DNMT3A: variants seen among roughly 807,000 people sequenced by gnomAD.
DNMT3A encodes the protein DNA methyltransferase 3 alpha.
A neutral mutation model predicts 117.6 loss-of-function variants in DNMT3A; 267 were observed. That is an observed-to-expected ratio of 2.27 (90% CI 2.05 to 2.51). The LOEUF (loss-of-function observed/expected upper bound fraction) is 2.51. DNMT3A is among the 30% of genes most tolerant of loss of function. DNMT3A has a pLI of 0.00. For missense variants in DNMT3A, 1,029 were observed against 1,260.2 expected (o/e 0.82, Z 2.78); for synonymous variants, 432 against 474.8 (o/e 0.91, Z 1.17).
At position 25,286,294 on chromosome 2, in the gene DNMT3A, C is replaced by T. The variant is rs912047314; in HGVS notation, c.178-3583G>A. On this transcript the variant is annotated intron_variant, in intron 3 of 22. Transcript: ENST00000321117. The surrounding 1 kb of genome is among the most constrained non-coding windows in gnomAD (Gnocchi z 4.3). ...GTAAGCCCTGCCCTGGCCTTGCCCG[C>T]GGACCCCAGTCTGCAACAGCACCAG... Among the ~76,000 whole-genome samples the T allele has an allele frequency of 6.6e-6, 1 of 152,228 alleles. No homozygotes were observed. The highest frequency in any genetic ancestry group is 1.5e-5 in the Non-Finnish European group (1 of 68,034).
chr2:25,336,993 G>A (rs749342748), intron 1 of DNMT3A, among the ~76,000 whole-genome samples: 3 of 152,146 alleles, frequency 2.0e-5, no homozygotes, highest in East Asian at 1.9e-4. Flanking sequence ...TTAGCTGGGC[G>A]CATCCTAAAC....
At position 25,282,257 on chromosome 2, in the gene DNMT3A, G is replaced by A; in HGVS notation, c.448+184C>T. The A allele has an allele frequency of 1.4e-6, 2 of 1,381,246 alleles. No individual in the cohort carries two copies. Among genetic ancestry groups the A allele is most frequent in the Non-Finnish European group, 1.9e-6 (2 of 1,068,178 alleles). 85.6% of individuals were successfully genotyped at this position (1,381,246 alleles called of 1,614,324 possible). A position where few individuals can be genotyped will look rare whatever the true frequency, so the allele number is the denominator to read the frequency against. On this transcript the variant is annotated intron_variant, in intron 4 of 22. Transcript: ENST00000321117. The surrounding 1 kb of genome is among the most constrained non-coding windows in gnomAD (Gnocchi z 5.2). ...TTTTTAAATGTTTAAAACACTCTAT[G>A]GGCCAAATAAAACATATGCGCAGGC...
At chr2:25,268,573 G>A (rs1433864010) in intron 6 of DNMT3A, among the ~76,000 whole-genome samples, 1 of 152,132 alleles carries the variant, frequency 6.6e-6, no homozygotes, top group Non-Finnish European at 1.5e-5. Flanking sequence ...AGGAGCTAAG[G>A]GAGTGCCTTC....
intron 6 of DNMT3A, among the ~76,000 whole-genome samples, chr2:25,271,103 G>A (rs573736580): frequency 1.9e-4 from 29 of 152,010 alleles, no homozygotes; most frequent in Non-Finnish European, 3.7e-4. Context: ...CCAGCACTTC[G>A]GGAGGCCAAG....
chr2:25,321,797 G>A (rs2034608105), intron 1 of DNMT3A, among the ~76,000 whole-genome samples: 1 of 152,174 alleles, frequency 6.6e-6, no homozygotes, highest in Non-Finnish European at 1.5e-5. Context: ...GATGTGGGAG[G>A]ATCGCTCGAG....
chr2:25,262,003 G>A (rs2149345089), intron 6 of DNMT3A, among the ~76,000 whole-genome samples: 2 of 152,082 alleles, frequency 1.3e-5, no homozygotes, highest in South Asian at 4.2e-4. Flanking sequence ...TGGCCAACAT[G>A]GTGAAACCCC....
At chr2:25,297,517 T>TG (rs1345312067) in intron 3 of DNMT3A, among the ~76,000 whole-genome samples, 260 of 149,746 alleles carry the variant, frequency 1.7e-3, no homozygotes, top group African/African-American at 6.0e-3. Context: ...GTTTTTTTTT[T>TG]TTTTTTTTTT....
In DNMT3A at chr2:25,252,105, T is replaced by C; in HGVS notation, c.640-3853A>G. Reference sequence around the variant, plus strand: ...GGGCCGGGGAGGCATACTTCACTCTTTTCAAACCCGGAGGGCTGCGGAGAT... The same window carrying C: ...GGGCCGGGGAGGCATACTTCACTCTCTTCAAACCCGGAGGGCTGCGGAGAT... On this transcript the variant is annotated intron_variant, in intron 6 of 22. Transcript: ENST00000321117. This position sits in a 1 kb window ranked among gnomAD's most constrained non-coding sequence, Gnocchi z 5.5. The C allele has an allele frequency of 6.6e-7, 1 of 1,509,304 alleles. No individual in the cohort carries two copies. The allele number at this position is 1,509,304 out of a possible 1,614,324, so 93.5% of individuals were successfully genotyped here.
rs2035318160 is a variant in DNMT3A, at chr2:25,339,149, T to C, written c.-178+2677A>G. On this transcript the variant is annotated intron_variant, in intron 1 of 22. Transcript: ENST00000321117. This position sits in a 1 kb window ranked among gnomAD's most constrained non-coding sequence, Gnocchi z 4.9. The stretch of plus-strand genomic sequence containing the variant: ...GAAGCCTTCCCCTATTACTGCCATG[T>C]GCCGAAAAACAGACCACCCTGTCCC... Among the ~76,000 whole-genome samples the C allele has an allele frequency of 6.6e-6, 1 of 152,046 alleles. No homozygotes were observed. Among genetic ancestry groups the C allele is most frequent in the Non-Finnish European group, 1.5e-5 (1 of 68,000 alleles).
At chr2:25,248,570 G>C (rs1397628174) in intron 6 of DNMT3A, among the ~76,000 whole-genome samples, 1 of 150,662 alleles carries the variant, frequency 6.6e-6, no homozygotes, top group Non-Finnish European at 1.5e-5. Flanking sequence ...TTTTTTTGGA[G>C]ACAGAGTCAC....
intron 3 of DNMT3A, among the ~76,000 whole-genome samples, chr2:25,288,063 T>C (rs554770720): frequency 1.8e-4 from 27 of 150,966 alleles, no homozygotes; most frequent in Middle Eastern, 6.8e-3. Context: ...TTCAAACTCC[T>C]GACCTCAGGT....
In DNMT3A at chr2:25,337,461, C is replaced by A. The variant is rs747218775; in HGVS notation, c.-178+4365G>T. On this transcript the variant is annotated intron_variant, in intron 1 of 22. Transcript: ENST00000321117. The surrounding 1 kb of genome is among the most constrained non-coding windows in gnomAD (Gnocchi z 5.0). ...CACAACCACCTGTAAGCAGAATCCACGCACACTCCCATGTTACAGGTGAGG... is the reference window on the plus strand; with the variant it reads ...CACAACCACCTGTAAGCAGAATCCAAGCACACTCCCATGTTACAGGTGAGG... Among the ~76,000 whole-genome samples, 1 of 152,218 alleles carries A rather than the reference C, an allele frequency of 6.6e-6. No individual in the cohort carries two copies. The highest frequency in any genetic ancestry group is 1.5e-5 in the Non-Finnish European group (1 of 68,040).
chr2:25,259,859 G>A (rs995567641), intron 6 of DNMT3A, among the ~76,000 whole-genome samples: 4 of 152,128 alleles, frequency 2.6e-5, no homozygotes, highest in East Asian at 1.9e-4. Context: ...CAGGCACTGC[G>A]GTAACTATTG....
Position 25,228,698 on chromosome 2 carries a change from T to G in DNMT3A, c.*5581A>C, listed in dbSNP as rs529877599. On this transcript the variant is annotated 3_prime_UTR_variant, in exon 23 of 23. Coordinates refer to ENST00000321117, the MANE Select transcript of DNMT3A (RefSeq NM_022552.5). ...GCAGACTTAATTTAACAATATATATTTTTAATAAAATGTTTTAGCACCTTG... is the reference window on the plus strand; with the variant it reads ...GCAGACTTAATTTAACAATATATATGTTTAATAAAATGTTTTAGCACCTTG... 3.3e-5 allele frequency: 5 copies of G among 152,222 alleles called. No homozygotes were observed. Among genetic ancestry groups the G allele is most frequent in the Admixed American group, 2.6e-4 (4 of 15,286 alleles). 9.4% of individuals were successfully genotyped at this position (152,222 alleles called of 1,614,324 possible). A position where few individuals can be genotyped will look rare whatever the true frequency, so the allele number is the denominator to read the frequency against.
intron 6 of DNMT3A, among the ~76,000 whole-genome samples, chr2:25,265,362 A>C (rs1573385808): frequency 6.6e-6 from 1 of 152,204 alleles, no homozygotes; most frequent in African/African-American, 2.4e-5. Flanking sequence ...CCAGGAAACC[A>C]GGAAAACTGG....
intron 6 of DNMT3A, among the ~76,000 whole-genome samples, chr2:25,271,817 A>C (rs184813147): frequency 6.6e-6 from 1 of 152,230 alleles, no homozygotes; most frequent in Admixed American, 6.5e-5. Flanking sequence ...GGTTTTTCTA[A>C]TAATGCCCAC....
chr2:25,331,001 G>A (rs1251608312), intron 1 of DNMT3A, among the ~76,000 whole-genome samples: 1 of 152,194 alleles, frequency 6.6e-6, no homozygotes, highest in African/African-American at 2.4e-5. Context: ...AGGCTTCTTG[G>A]GAGGCAAAGA....
Position 25,304,644 on chromosome 2 carries a change from G to A in DNMT3A, c.73-4401C>T, listed in dbSNP as rs1397159247. Among the ~76,000 whole-genome samples, 52 of 152,202 alleles carry A rather than the reference G, an allele frequency of 3.4e-4. 1 individual carries two copies. Among genetic ancestry groups the A allele is most frequent in the Admixed American group, 2.7e-3 (42 of 15,284 alleles). On this transcript the variant is annotated intron_variant, in intron 2 of 22. Coordinates refer to ENST00000321117, the MANE Select transcript of DNMT3A (RefSeq NM_022552.5). The surrounding 1 kb of genome is among the most constrained non-coding windows in gnomAD (Gnocchi z 4.3). Reference sequence around the variant, plus strand: ...TTAAACCTTTGCCACGGGGGTTCCCGGGGGCCAGGAGGATCCAGCCAAGCT... The same window carrying A: ...TTAAACCTTTGCCACGGGGGTTCCCAGGGGCCAGGAGGATCCAGCCAAGCT...
At chr2:25,273,222 C>T (rs1041509427) in intron 6 of DNMT3A, among the ~76,000 whole-genome samples, 4 of 151,812 alleles carry the variant, frequency 2.6e-5, no homozygotes, top group African/African-American at 7.3e-5. Context: ...GTGATCCGCC[C>T]GCCTCAGCCT....
Sources: gnomAD v4.1 joint callset for allele counts (sites outside exome capture counted in the v4.1 genomes callset) on GRCh38, gnomAD v4.1.1 for gene constraint, Gnocchi (gnomAD v3.1) non-coding constraint, MANE v1.5 for transcripts, NCBI Gene and HGNC (gene_info 2026-07-23, HGNC 2026-07-21) for gene names.